DENND6B: variants seen among roughly 807,000 people sequenced by gnomAD.
DENND6B encodes the protein protein DENND6B.
A neutral mutation model predicts 85.1 loss-of-function variants in DENND6B; 73 were observed. The ratio of observed to expected loss-of-function variants is 0.86; its 90% CI spans 0.71 to 1.04. The LOEUF is 1.04. DENND6B is among the 50% of genes least tolerant of loss of function. The probability of loss-of-function intolerance (pLI) is 0.00; values close to 1 mark genes in which losing one functional copy is unlikely to be tolerated. For missense variants in DENND6B, 715 were observed against 785.8 expected (o/e 0.91, Z 1.08); for synonymous variants, 357 against 329.3 (o/e 1.08, Z -0.91).
intron 16 of DENND6B, 91 bp downstream of exon 16, chr22:50,313,355 C>T: frequency 6.8e-7 from 1 of 1,470,036 alleles, no homozygotes; most frequent in Non-Finnish European, 9.1e-7. Flanking sequence ...TCCTGCCCAG[C>T]CACAGCCTCC....
chr22:50,313,598 G>GC (rs2068125062), intron 15 of DENND6B, 37 bp downstream of exon 15: 2 of 851,596 alleles, frequency 2.3e-6, no homozygotes, highest in Admixed American at 9.9e-5. Flanking sequence ...CCAGCCCCGT[G>GC]CCCCCCAGTC....
rs1403970518 is a variant in DENND6B at position 50,316,162 on chromosome 22, G to C, written c.639+12C>G. On this transcript the variant is annotated intron_variant, in intron 7 of 19. Transcript: ENST00000413817. The stretch of plus-strand genomic sequence containing the variant: ...ACCTGCAGAGCCTACTCCCCAGCCA[G>C]CTGGCTCTCACCTGGACAACAACGC... 1.2e-6 allele frequency: 2 copies of C among 1,612,388 alleles called. No homozygotes were observed. The highest frequency in any genetic ancestry group is 2.2e-5 in the South Asian group (2 of 91,094).
At chr22:50,315,965 A>G in intron 8 of DENND6B, 60 bp downstream of exon 8, 1 of 1,610,556 alleles carries the variant, frequency 6.2e-7, no homozygotes, top group South Asian at 1.1e-5. Context: ...CCGGCCCAGG[A>G]GCAGGACTCA....
In DENND6B at chr22:50,319,017, C is replaced by A. The variant is rs1308780123; in HGVS notation, c.178-14G>T. ...CGGATACACCAGCTGCAGAGGAAGA[C>A]AGAGTGCTTGGTGACACCATCTGTC... On this transcript the variant is annotated splice_polypyrimidine_tract_variant and intron_variant, in intron 1 of 19. Transcript: ENST00000413817. 38 of 1,590,226 alleles carry A rather than the reference C, an allele frequency of 2.4e-5. No homozygotes were observed. Among genetic ancestry groups the A allele is most frequent in the Non-Finnish European group, 3.1e-5 (36 of 1,168,678 alleles).
chr22:50,319,221 T>A (rs2041962744), intron 1 of DENND6B: 2 of 1,472,598 alleles, frequency 1.4e-6, no homozygotes, highest in Non-Finnish European at 1.8e-6. Context: ...GCATGCTGCA[T>A]CCTCCCCACA....
chr22:50,324,614 G>A (rs2042142535), intron 1 of DENND6B, among the ~76,000 whole-genome samples: 1 of 152,030 alleles, frequency 6.6e-6, no homozygotes, highest in Admixed American at 6.6e-5. Flanking sequence ...AGTAGAGACA[G>A]GGTTTCTCTG....
intron 1 of DENND6B, among the ~76,000 whole-genome samples, chr22:50,324,526 G>A (rs1719349988): frequency 6.6e-6 from 1 of 152,214 alleles, no homozygotes; most frequent in African/African-American, 2.4e-5. Flanking sequence ...CTGGGTTCAA[G>A]CGATTTGCCT....
rs1890258114 is a variant in DENND6B at position 50,309,736 on chromosome 22, T to C, written c.*2403A>G. On this transcript the variant is annotated 3_prime_UTR_variant, in exon 20 of 20. Coordinates refer to ENST00000413817, the MANE Select transcript of DENND6B (RefSeq NM_001001794.4). ...CCCTCCAGGGAAATCTGCTTGTGCA[T>C]TTCTGGATACACAGTGGCCAGGGTC... 1.3e-5 allele frequency: 2 copies of C among 152,326 alleles called. No homozygotes were observed. Among genetic ancestry groups the C allele is most frequent in the Admixed American group, 6.5e-5 (1 of 15,284 alleles). 9.4% of individuals were successfully genotyped at this position (152,326 alleles called of 1,614,324 possible). A position where few individuals can be genotyped will look rare whatever the true frequency, so the allele number is the denominator to read the frequency against.
chr22:50,315,704 G>T lies in DENND6B; in HGVS notation c.758+10C>A. 1 of 1,567,672 alleles carries T rather than the reference G, an allele frequency of 6.4e-7. No individual in the cohort carries two copies. The highest frequency in any genetic ancestry group is 8.6e-7 in the Non-Finnish European group (1 of 1,158,010). The stretch of plus-strand genomic sequence containing the variant: ...CTCAAAAGCAGTGTGCAGAACCCTA[G>T]GGGGCTCACCTGAACAGGTCCAGCT... On this transcript the variant is annotated intron_variant, in intron 9 of 19. Transcript: ENST00000413817.
At chr22:50,313,925 C>A in intron 13 of DENND6B, 47 bp from the exon 14 acceptor site, 3 of 1,560,808 alleles carry the variant, frequency 1.9e-6, no homozygotes, top group Non-Finnish European at 2.6e-6. Flanking sequence ...GGGCCTCCCT[C>A]CCACACTCCT....
chr22:50,318,160 C>T (rs893028155), intron 3 of DENND6B, 140 bp from the exon 4 acceptor site: 1 of 774,252 alleles, frequency 1.3e-6, no homozygotes, highest in Non-Finnish European at 2.0e-6. Context: ...CTGGCTAACA[C>T]AGTGAAACCC....
At position 50,316,062 on chromosome 22, in the gene DENND6B, T is replaced by C. The variant is rs778563590; in HGVS notation, c.665A>G (p.Lys222Arg). 2 of 1,612,616 alleles carry C rather than the reference T, an allele frequency of 1.2e-6. No individual in the cohort carries two copies. Among genetic ancestry groups the C allele is most frequent in the Non-Finnish European group, 1.7e-6 (2 of 1,179,864 alleles). ...VQVRIPSRVD[K>R]SESSPPKQFD... Reference sequence around the variant, plus strand: ...CTGCTTCGGAGGACTGGACTCGGACTTGTCCACCCTGGATGGGATGCGCAC... The same window carrying C: ...CTGCTTCGGAGGACTGGACTCGGACCTGTCCACCCTGGATGGGATGCGCAC... Residue 222 changes from lysine (K) to arginine (R), a missense_variant, in exon 8 of 20, where the codon AAG (lysine) becomes AGG (arginine). Physicochemically the swap from Lys to Arg is conservative, Grantham distance 26. Coordinates refer to ENST00000413817, the MANE Select transcript of DENND6B (RefSeq NM_001001794.4).
At chr22:50,322,417 T>C (rs140060628) in intron 1 of DENND6B, among the ~76,000 whole-genome samples, 2,258 of 152,234 alleles carry the variant, frequency 0.015, 50 homozygotes, top group African/African-American at 0.051. Context: ...CTGCAGAGTA[T>C]GGGCACTGCT....
intron 8 of DENND6B, 77 bp from the exon 9 acceptor site, chr22:50,315,846 G>T: frequency 6.8e-7 from 1 of 1,473,928 alleles, no homozygotes; most frequent in South Asian, 1.3e-5. Flanking sequence ...CTGCCTCACA[G>T]CACAGGGGAA....
rs769880959 is a variant in DENND6B, at chr22:50,312,221, G to A, written c.1676C>T (p.Thr559Met). 1.6e-5 allele frequency: 26 copies of A among 1,612,224 alleles called. No homozygotes were observed. Among genetic ancestry groups the A allele is most frequent in the Middle Eastern group, 1.6e-4 (1 of 6,070 alleles). Residue 559 changes from threonine (T) to methionine (M), a missense_variant, in exon 20 of 20, where the codon ACG becomes ATG. Transcript: ENST00000413817. ...GATGTACAGCTGTGCCCGCTGCAGCGTAGCCTCCTTCACAGGGAGCTGGTG... is the reference window on the plus strand; with the variant it reads ...GATGTACAGCTGTGCCCGCTGCAGCATAGCCTCCTTCACAGGGAGCTGGTG... Reference protein sequence around the residue: ...QGHQLPVKEATLQRAQLYIET... With the variant: ...QGHQLPVKEAMLQRAQLYIET...
intron 13 of DENND6B, 145 bp from the exon 14 acceptor site, chr22:50,314,023 C>T (rs2041692180): frequency 2.3e-6 from 3 of 1,289,264 alleles, no homozygotes; most frequent in Non-Finnish European, 3.1e-6. Context: ...CCCACCCACC[C>T]CCCAGACACC....
At chr22:50,318,744 C>A in intron 3 of DENND6B, 103 bp downstream of exon 3, 1 of 1,522,860 alleles carries the variant, frequency 6.6e-7, no homozygotes, top group Non-Finnish European at 8.9e-7. Flanking sequence ...CTGTGGCACT[C>A]TGGGCACCGG....
At chr22:50,324,759 C>T (rs1411239938) in intron 1 of DENND6B, among the ~76,000 whole-genome samples, 1 of 152,146 alleles carries the variant, frequency 6.6e-6, no homozygotes, top group Non-Finnish European at 1.5e-5. Flanking sequence ...ACTGAATCAC[C>T]AGCTCCTTGC....
At chr22:50,318,381 G>A (rs1415606157) in intron 3 of DENND6B, among the ~76,000 whole-genome samples, 4 of 152,188 alleles carry the variant, frequency 2.6e-5, no homozygotes, top group Admixed American at 2.0e-4. Context: ...AGCCCAAGGG[G>A]TCTGTGTTTC....
Sources: allele counts gnomAD v4.1 joint callset (sites outside exome capture counted in the v4.1 genomes callset), GRCh38; gene constraint gnomAD v4.1.1; transcripts MANE v1.5; gene names NCBI Gene and HGNC (gene_info 2026-07-23, HGNC 2026-07-21).